Variants in SPATA17 observed in about 807,000 individuals in gnomAD.
SPATA17 encodes spermatogenesis-associated protein 17.
Under a neutral mutation model 62.2 loss-of-function variants are expected in SPATA17, and 53 were observed. The observed-to-expected ratio is 0.85, with a 90% CI of 0.68 to 1.07. The LOEUF is 1.07. Among genes scored for constraint, SPATA17 ranks in the 50% least tolerant of loss-of-function variants. The pLI, the probability that SPATA17 is intolerant of heterozygous loss-of-function variation, is 0.00. For missense variants in SPATA17, 466 were observed against 425.5 expected (o/e 1.10, Z -0.84); for synonymous variants, 146 against 146.8 (o/e 0.99, Z 0.04).
chr1:217,704,110 G>A (rs928497421), intron 5 of SPATA17, among the ~76,000 whole-genome samples: 1 of 151,114 alleles, frequency 6.6e-6, no homozygotes. Flanking sequence ...GTGCACCTTT[G>A]CTGTATAGGC....
At chr1:217,742,192 G>A in intron 6 of SPATA17, 94 bp downstream of exon 6, 1 of 1,470,398 alleles carries the variant, frequency 6.8e-7, no homozygotes, top group African/African-American at 1.4e-5. Flanking sequence ...ATGACTTGTT[G>A]AAAAGATATC....
chr1:217,799,520 A>T (rs1674250234), intron 8 of SPATA17, among the ~76,000 whole-genome samples: 2 of 152,166 alleles, frequency 1.3e-5, no homozygotes, highest in South Asian at 4.1e-4. Context: ...ATCTTATATG[A>T]GAGCTCTTTT....
intron 6 of SPATA17, among the ~76,000 whole-genome samples, chr1:217,744,014 C>T (rs917767869): frequency 3.3e-5 from 5 of 151,270 alleles, no homozygotes; most frequent in Admixed American, 2.6e-4. Context: ...TCCATGAAGA[C>T]TCAGTTTTTT....
At chr1:217,655,705 G>A (rs563531689) in intron 3 of SPATA17, among the ~76,000 whole-genome samples, 9 of 152,056 alleles carry the variant, frequency 5.9e-5, no homozygotes, top group African/African-American at 1.7e-4. Context: ...ATGAAGTAAT[G>A]GATTCCTATT....
At chr1:217,858,141 A>G (rs749379213) in intron 9 of SPATA17, among the ~76,000 whole-genome samples, 3 of 152,194 alleles carry the variant, frequency 2.0e-5, no homozygotes, top group Non-Finnish European at 4.4e-5. Context: ...GCATTATATT[A>G]TATTCCCACA....
intron 1 of SPATA17, among the ~76,000 whole-genome samples, chr1:217,640,431 C>T (rs1670035346): frequency 6.6e-6 from 1 of 152,094 alleles, no homozygotes; most frequent in South Asian, 2.1e-4. Flanking sequence ...CTTTACATAA[C>T]AGCAATGGAC....
intron 9 of SPATA17, among the ~76,000 whole-genome samples, chr1:217,831,239 G>T (rs61827068): frequency 1.3e-5 from 2 of 152,220 alleles, no homozygotes; most frequent in South Asian, 4.1e-4. Flanking sequence ...TGTTACAAAT[G>T]TCTTACTTTG....
chr1:217,831,177 G>A (rs961841112), intron 9 of SPATA17, among the ~76,000 whole-genome samples: 1 of 152,098 alleles, frequency 6.6e-6, no homozygotes, highest in African/African-American at 2.4e-5. Context: ...GAGAAAATTA[G>A]ATGGTAGTTA....
intron 9 of SPATA17, among the ~76,000 whole-genome samples, chr1:217,835,078 T>C (rs912138083): frequency 6.6e-6 from 1 of 152,150 alleles, no homozygotes; most frequent in African/African-American, 2.4e-5. Flanking sequence ...GATTATACCA[T>C]CTAGCTTTGT....
chr1:217,758,995 T>C (rs1422544303), intron 6 of SPATA17, among the ~76,000 whole-genome samples: 1 of 152,128 alleles, frequency 6.6e-6, no homozygotes, highest in East Asian at 1.9e-4. Flanking sequence ...GGCTATAATA[T>C]TGGGATGGGT....
At chr1:217,782,585 G>T (rs1374644275) in intron 8 of SPATA17, among the ~76,000 whole-genome samples, 3 of 152,024 alleles carry the variant, frequency 2.0e-5, no homozygotes, top group Non-Finnish European at 2.9e-5. Context: ...ATGTATCTGT[G>T]AAGATAATTT....
intron 1 of SPATA17, among the ~76,000 whole-genome samples, chr1:217,634,634 C>T (rs939159026): frequency 6.6e-6 from 1 of 152,294 alleles, no homozygotes; most frequent in Middle Eastern, 3.4e-3. Flanking sequence ...AATTTCTAAT[C>T]TTTTAACTAA....
At chr1:217,689,510 G>A in intron 5 of SPATA17, among the ~76,000 whole-genome samples, 1 of 152,102 alleles carries the variant, frequency 6.6e-6, no homozygotes, top group East Asian at 1.9e-4. Context: ...ATAGGTGTGA[G>A]CCACCACACG....
intron 9 of SPATA17, among the ~76,000 whole-genome samples, chr1:217,809,160 G>C (rs914518953): frequency 6.6e-6 from 1 of 152,148 alleles, no homozygotes; most frequent in Admixed American, 6.5e-5. Flanking sequence ...CAAGGGGTAA[G>C]ACATGCTGGA....
intron 9 of SPATA17, among the ~76,000 whole-genome samples, chr1:217,817,769 G>A (rs1021804627): frequency 6.6e-6 from 1 of 151,998 alleles, no homozygotes; most frequent in African/African-American, 2.4e-5. Context: ...ACAATTTTCT[G>A]ATCTGCTGTT....
intron 1 of SPATA17, among the ~76,000 whole-genome samples, chr1:217,646,787 C>T (rs538203090): frequency 2.0e-5 from 3 of 151,986 alleles, no homozygotes; most frequent in Non-Finnish European, 2.9e-5. Flanking sequence ...TCCAGCTACT[C>T]GGAGGCTAAG....
intron 5 of SPATA17, among the ~76,000 whole-genome samples, chr1:217,704,574 C>T (rs1237986018): frequency 2.6e-5 from 4 of 152,166 alleles, no homozygotes; most frequent in Non-Finnish European, 5.9e-5. Context: ...TAAGTGGTCT[C>T]TGAAGTCTGT....
At chr1:217,845,074 C>T (rs929200901) in intron 9 of SPATA17, among the ~76,000 whole-genome samples, 1 of 151,800 alleles carries the variant, frequency 6.6e-6, no homozygotes, top group Non-Finnish European at 1.5e-5. Flanking sequence ...ATATCTGGTC[C>T]TCTTATTTTA....
At chr1:217,772,662 A>G (rs1225310745) in intron 6 of SPATA17, among the ~76,000 whole-genome samples, 1 of 152,208 alleles carries the variant, frequency 6.6e-6, no homozygotes, top group Non-Finnish European at 1.5e-5. Flanking sequence ...AGAGGTTTTC[A>G]CGGGCCTTTC....
Sources: gnomAD v4.1 joint callset for allele counts (sites outside exome capture counted in the v4.1 genomes callset) on GRCh38, gnomAD v4.1.1 for gene constraint, MANE v1.5 for transcripts, NCBI Gene and HGNC (gene_info 2026-07-23, HGNC 2026-07-21) for gene names.